The following POLA2 variants were observed in gnomAD, a reference collection of about 807,000 sequenced individuals.
POLA2 encodes DNA polymerase alpha 2, accessory subunit.
Under a neutral mutation model 82.8 loss-of-function variants are expected in POLA2, and 47 were observed. The observed-to-expected ratio is 0.57, with a 90% confidence interval of 0.45 to 0.72. The LOEUF (loss-of-function observed/expected upper bound fraction) is 0.72. Among genes scored for constraint, POLA2 ranks in the 30% least tolerant of loss-of-function variants. The pLI, the probability that POLA2 is intolerant of heterozygous loss-of-function variation, is 0.00. For missense variants in POLA2, 634 were observed against 728.1 expected (o/e 0.87, Z 1.49); for synonymous variants, 287 against 286.8 (o/e 1.00, Z -0.01).
At chr11:65,295,666 A>G in intron 16 of POLA2, 67 bp downstream of exon 16, 2 of 1,451,124 alleles carry the variant, frequency 1.4e-6, no homozygotes, top group Non-Finnish European at 1.9e-6. Context: ...TATGACAAGC[A>G]TGACTGTAAG....
downstream of POLA2, among the ~76,000 whole-genome samples, chr11:65,300,845 G>A (rs1374553686): frequency 6.6e-6 from 1 of 152,278 alleles, no homozygotes; most frequent in African/African-American, 2.4e-5. Flanking sequence ...GCTTCCCAGA[G>A]TGTTGGGATT....
At chr11:65,265,134 CAGG>C (rs1949444839) in intron 1 of POLA2, among the ~76,000 whole-genome samples, 1 of 151,446 alleles carries the variant, frequency 6.6e-6, no homozygotes, top group African/African-American at 2.4e-5. Context: ...GAGGCTGAGA[CAGG>C]AGAATCGCTT....
chr11:65,281,749 C>G lies in POLA2; in HGVS notation c.963+17C>G. The G allele has an allele frequency of 6.2e-7, 1 of 1,604,918 alleles. No individual in the cohort carries two copies. Among genetic ancestry groups the G allele is most frequent in the Non-Finnish European group, 8.5e-7 (1 of 1,171,642 alleles). On this transcript the variant is annotated intron_variant, in intron 9 of 17. Transcript: ENST00000265465. ...CTCTACGAGGTACACAGCAGTACCC[C>G]CACTTGCCTCTTGGTTTGCTTCAGA... is the stretch of plus-strand genomic sequence containing the variant.
intron 13 of POLA2, among the ~76,000 whole-genome samples, chr11:65,291,567 C>G (rs1255436274): frequency 6.6e-6 from 1 of 152,208 alleles, no homozygotes; most frequent in African/African-American, 2.4e-5. Flanking sequence ...GGTTGGAACT[C>G]CTCAGGAGAT....
At chr11:65,275,366 CAAAA>C (rs760641138) in intron 4 of POLA2, among the ~76,000 whole-genome samples, 2 of 85,786 alleles carry the variant, frequency 2.3e-5, no homozygotes, top group East Asian at 3.3e-4. Context: ...GTTGATGAGT[CAAAA>C]AAAAAAAAAA....
At chr11:65,293,475 T>C (rs1949776306) in intron 13 of POLA2, among the ~76,000 whole-genome samples, 1 of 152,026 alleles carries the variant, frequency 6.6e-6, no homozygotes, top group Non-Finnish European at 1.5e-5. Flanking sequence ...GTGGGTGTGG[T>C]GGTGTGCACC....
At position 65,268,356 on chromosome 11, in the gene POLA2, TA is replaced by T. The variant is rs201055733; in HGVS notation, c.297-315del. Among the ~76,000 whole-genome samples, 802 of 149,810 alleles carry T rather than the reference TA, an allele frequency of 5.4e-3. 9 individuals carry two copies. Among genetic ancestry groups the T allele is most frequent in the African/African-American group, 0.017 (689 of 40,698 alleles). Reference sequence around the variant, plus strand: ...TATGAAAGTTTATTATTATTATTATTATTTTTTTTTTTTGAGATGGAGTCTC... The same window carrying T: ...TATGAAAGTTTATTATTATTATTATTTTTTTTTTTTTTGAGATGGAGTCTC... On this transcript the variant is annotated intron_variant, in intron 3 of 17. Coordinates refer to ENST00000265465, the MANE Select transcript of POLA2 (RefSeq NM_002689.4).
intron 17 of POLA2, 180 bp downstream of exon 17, chr11:65,296,170 A>G (rs1949809155): frequency 1.5e-6 from 1 of 654,814 alleles, no homozygotes; most frequent in East Asian, 2.6e-5. Flanking sequence ...CAACTCTGTC[A>G]GTAAAATGCT....
chr11:65,264,681 C>T (rs940890576), intron 1 of POLA2, among the ~76,000 whole-genome samples: 7 of 152,184 alleles, frequency 4.6e-5, no homozygotes, highest in African/African-American at 1.7e-4. Flanking sequence ...ATATACCTAG[C>T]CTTCTTTCCT....
rs1239002958 is a variant in POLA2, at chr11:65,295,882, G to A, written c.1539G>A (p.Pro513=). ...LTQRSYYPLY[P]PQEDMAIDYE... ...TCTGTAGCTACTACCCACTCTACCC[G>A]CCCCAAGAAGACATGGCCATTGACT... is the stretch of plus-strand genomic sequence containing the variant. Residue 513 remains proline (P), a synonymous_variant, in exon 17 of 18, where the codon CCG becomes CCA. Transcript: ENST00000265465. The A allele has an allele frequency of 3.7e-6, 6 of 1,613,214 alleles. No individual in the cohort carries two copies. Among genetic ancestry groups the A allele is most frequent in the East Asian group, 4.5e-5 (2 of 44,830 alleles).
At chr11:65,271,930 G>A (rs2137512549) in intron 4 of POLA2, among the ~76,000 whole-genome samples, 1 of 152,132 alleles carries the variant, frequency 6.6e-6, no homozygotes, top group East Asian at 1.9e-4. Context: ...CCAGGCTAGA[G>A]ATACGTAAAA....
chr11:65,283,418 T>C (rs1949661682), intron 10 of POLA2, among the ~76,000 whole-genome samples: 1 of 152,154 alleles, frequency 6.6e-6, no homozygotes, highest in Admixed American at 6.5e-5. Flanking sequence ...CTGTACTATC[T>C]TCATAACTTC....
intron 6 of POLA2, 137 bp downstream of exon 6, chr11:65,279,060 G>A: frequency 2.9e-6 from 2 of 687,872 alleles, no homozygotes; most frequent in South Asian, 1.9e-5. Flanking sequence ...TGTCCTCATG[G>A]AAGCCCTAGT....
chr11:65,287,624 A>T, intron 10 of POLA2, 92 bp from the exon 11 acceptor site: 2 of 1,209,284 alleles, frequency 1.7e-6, no homozygotes, highest in Non-Finnish European at 2.4e-6. Flanking sequence ...TCAATGAGTT[A>T]AATCCTGTGG....
chr11:65,266,530 A>G (rs1339106223), intron 1 of POLA2, 52 bp from the exon 2 acceptor site: 4 of 1,604,302 alleles, frequency 2.5e-6, no homozygotes, highest in African/African-American at 2.7e-5. Context: ...TTTCTAGGTG[A>G]AACTTCGAGA....
intron 2 of POLA2, 103 bp from the exon 3 acceptor site, chr11:65,267,374 T>A: frequency 3.1e-6 from 2 of 645,444 alleles, no homozygotes; most frequent in Non-Finnish European, 5.3e-6. Flanking sequence ...ATGTTAGATC[T>A]TTGATTATAT....
Position 65,262,266 on chromosome 11 carries a change from G to T in POLA2, c.-27G>T, listed in dbSNP as rs1454399464. The T allele has an allele frequency of 2.5e-6, 4 of 1,600,054 alleles. No homozygotes were observed. In the East Asian group the frequency reaches 9.0e-5, roughly 36 times the overall value. ...GCGCAGGTCGGAGCTGGGTGGGCCG[G>T]CTCCCCGGCCCCTGGCTTGGGCGAC... On this transcript the variant is annotated 5_prime_UTR_variant, in exon 1 of 18. Coordinates refer to ENST00000265465, the MANE Select transcript of POLA2 (RefSeq NM_002689.4).
chr11:65,299,628 G>A (rs920551792), downstream of POLA2, among the ~76,000 whole-genome samples: 2 of 152,310 alleles, frequency 1.3e-5, no homozygotes, highest in East Asian at 1.9e-4. Flanking sequence ...CAGGGCACCC[G>A]GCCCAGCTCA....
downstream of POLA2, among the ~76,000 whole-genome samples, chr11:65,302,063 A>C (rs506280): frequency 0.22 from 33,358 of 151,982 alleles, 5,071 homozygotes; most frequent in African/African-American, 0.43. Flanking sequence ...CTGCCCAGGC[A>C]AAGGGGCCCC....
Sources: allele counts gnomAD v4.1 joint callset (sites outside exome capture counted in the v4.1 genomes callset), GRCh38; gene constraint gnomAD v4.1.1; transcripts MANE v1.5; gene names NCBI Gene and HGNC (gene_info 2026-07-23, HGNC 2026-07-21).